The following FAAH2 variants were observed in gnomAD, a reference collection of about 807,000 sequenced individuals.
FAAH2 encodes the protein fatty acid amide hydrolase 2, also known as fatty-acid amide hydrolase 2.
A neutral mutation model predicts 36.9 loss-of-function variants in FAAH2; 60 were observed. The observed-to-expected ratio is 1.63, with a 90% confidence interval of 1.32 to 2.02. The LOEUF is 2.02. FAAH2 is among the 30% of genes most tolerant of loss of function. The pLI, the probability that FAAH2 is intolerant of heterozygous loss-of-function variation, is 0.00. For missense variants in FAAH2, 689 were observed against 397.5 expected, an observed-to-expected ratio of 1.73 and a Z score of -6.23; for synonymous variants, 214 against 143.8, an observed-to-expected ratio of 1.49 and a Z score of -3.49.
At position 57,489,098 on chromosome X, in the gene FAAH2, G is replaced by T. The variant is rs1232784564; in HGVS notation, c.*166G>T. 6 of 525,720 alleles carry T rather than the reference G, an allele frequency of 1.1e-5. No homozygotes were observed. The highest frequency in any genetic ancestry group is 1.7e-5 in the Non-Finnish European group (6 of 353,932). 43.3% of individuals were successfully genotyped at this position (525,720 alleles called of 1,213,427 possible). ...CTTTTATTTCCTTCTCTAACTGTTG[G>T]TCTTACTAAAATGGTAATATTTGCT... is the stretch of plus-strand genomic sequence containing the variant. On this transcript the variant is annotated 3_prime_UTR_variant, in exon 11 of 11. Coordinates refer to ENST00000374900, the MANE Select transcript of FAAH2 (RefSeq NM_174912.4).
intron 8 of FAAH2, among the ~76,000 whole-genome samples, chrX:57,440,077 T>G (rs1225448840): frequency 9.0e-6 from 1 of 111,579 alleles, no homozygotes; most frequent in African/African-American, 3.3e-5. Context: ...ATTGACTTGG[T>G]GATGCGGGCT....
At chrX:57,159,880 T>C in the FAAH2 span, among the ~76,000 whole-genome samples, 1 of 111,660 alleles carries the variant, frequency 9.0e-6, no homozygotes, top group Admixed American at 9.5e-5. Flanking sequence ...ACTAGTTGAA[T>C]AGGAGTGGTG....
the FAAH2 span, among the ~76,000 whole-genome samples, chrX:57,132,300 T>A: frequency 8.9e-6 from 1 of 112,104 alleles, no homozygotes; most frequent in African/African-American, 3.2e-5. Flanking sequence ...ATGAGAGTTA[T>A]CCAGAGCGGG....
chrX:57,210,033 C>T, the FAAH2 span, among the ~76,000 whole-genome samples: 1 of 110,483 alleles, frequency 9.1e-6, no homozygotes, highest in Non-Finnish European at 1.9e-5. Context: ...ACCATGCTGC[C>T]CCTGCCAGGG....
At chrX:57,397,696 T>C (rs1464660939) in intron 7 of FAAH2, among the ~76,000 whole-genome samples, 4 of 110,698 alleles carry the variant, frequency 3.6e-5, no homozygotes, top group African/African-American at 9.9e-5. Context: ...TAGCTGCTTT[T>C]TTTTTCTTTT....
the FAAH2 span, among the ~76,000 whole-genome samples, chrX:57,281,357 AC>A: frequency 9.0e-6 from 1 of 111,544 alleles, no homozygotes; most frequent in Admixed American, 9.6e-5. Flanking sequence ...CTATTTACTT[AC>A]CTATTGTGTT....
intron 2 of FAAH2, among the ~76,000 whole-genome samples, chrX:57,306,879 CTA>C (rs1456832409): frequency 2.3e-5 from 2 of 88,281 alleles, no homozygotes; most frequent in Non-Finnish European, 4.4e-5. Flanking sequence ...TATATATACA[CTA>C]TATATACACC....
At chrX:57,292,693 G>A in intron 2 of FAAH2, 113 bp downstream of exon 2, 1 of 548,124 alleles carries the variant, frequency 1.8e-6, no homozygotes, top group Middle Eastern at 3.4e-4. Flanking sequence ...TCCTTCCCTT[G>A]TTCTCACTGG....
At chrX:57,476,805 C>T (rs1410118954) in intron 10 of FAAH2, among the ~76,000 whole-genome samples, 1 of 109,609 alleles carries the variant, frequency 9.1e-6, no homozygotes, top group East Asian at 2.9e-4. Flanking sequence ...GACTGTGAAT[C>T]TGTCTGGTCC....
At chrX:57,464,454 G>A (rs994039464) in intron 10 of FAAH2, among the ~76,000 whole-genome samples, 40 of 100,062 alleles carry the variant, frequency 4.0e-4, no homozygotes, top group African/African-American at 1.4e-3. Context: ...AGAAAACCTA[G>A]TAAATACTTT....
chrX:57,355,262 CT>C (rs955018152), intron 5 of FAAH2, among the ~76,000 whole-genome samples: 13 of 108,844 alleles, frequency 1.2e-4, no homozygotes, highest in African/African-American at 2.6e-4. Flanking sequence ...GCTTCTTTGT[CT>C]TTTTTTTTAG....
intron 7 of FAAH2, among the ~76,000 whole-genome samples, chrX:57,429,035 C>T (rs187516537): frequency 9.0e-6 from 1 of 111,564 alleles, no homozygotes; most frequent in East Asian, 2.8e-4. Flanking sequence ...ATCTCAACAA[C>T]AACAAATAAT....
intron 7 of FAAH2, among the ~76,000 whole-genome samples, chrX:57,386,188 T>A (rs2055019148): frequency 9.0e-6 from 1 of 110,916 alleles, no homozygotes; most frequent in African/African-American, 3.3e-5. Context: ...ATGAAAGAAA[T>A]CATAGAAAAT....
intron 1 of FAAH2, among the ~76,000 whole-genome samples, chrX:57,290,791 T>C (rs188825757): frequency 1.8e-5 from 2 of 111,925 alleles, no homozygotes; most frequent in African/African-American, 6.5e-5. Context: ...AAAAGCATAT[T>C]AGGACAATTT....
chrX:57,123,001 T>C, the FAAH2 span, among the ~76,000 whole-genome samples: 2 of 111,910 alleles, frequency 1.8e-5, no homozygotes, highest in African/African-American at 6.5e-5. Context: ...TTTATTTTCA[T>C]TTTTATTTTT....
At chrX:57,213,558 G>T in the FAAH2 span, among the ~76,000 whole-genome samples, 3 of 111,374 alleles carry the variant, frequency 2.7e-5, no homozygotes, top group African/African-American at 6.5e-5. Context: ...AAAAATTTTT[G>T]ATTTCCATTT....
At chrX:57,159,393 T>A in the FAAH2 span, among the ~76,000 whole-genome samples, 1 of 111,831 alleles carries the variant, frequency 8.9e-6, no homozygotes, top group Admixed American at 9.5e-5. Context: ...ATTGGTAGCT[T>A]GATGGGGATG....
chrX:57,478,063 C>T (rs2057305187), intron 10 of FAAH2, among the ~76,000 whole-genome samples: 1 of 112,131 alleles, frequency 8.9e-6, no homozygotes, highest in African/African-American at 3.2e-5. Flanking sequence ...GGAATCACCA[C>T]ACTGTCTTCC....
At chrX:57,485,034 G>A (rs2057448845) in intron 10 of FAAH2, among the ~76,000 whole-genome samples, 1 of 111,893 alleles carries the variant, frequency 8.9e-6, no homozygotes, top group Non-Finnish European at 1.9e-5. Flanking sequence ...GGCTCTCCAA[G>A]AGGCTCTGGG....
Sources: allele counts gnomAD v4.1 joint callset (sites outside exome capture counted in the v4.1 genomes callset), GRCh38; gene constraint gnomAD v4.1.1; transcripts MANE v1.5; gene names NCBI Gene and HGNC (gene_info 2026-07-23, HGNC 2026-07-21).